The following MCF2L2 variants were observed in gnomAD, a reference collection of about 807,000 sequenced individuals.
The protein encoded by MCF2L2 is MCF.2 cell line derived transforming sequence-like 2, also known as probable guanine nucleotide exchange factor MCF2L2.
In MCF2L2, 102 loss-of-function variants were observed where a neutral mutation model predicts 150.2. The ratio of observed to expected loss-of-function variants is 0.68; its 90% CI spans 0.58 to 0.80. The LOEUF (loss-of-function observed/expected upper bound fraction) is 0.80, where lower values mean the gene tolerates loss of function less well. Ranked by LOEUF, MCF2L2 falls within the 30% of genes least tolerant of loss-of-function variation. The probability of loss-of-function intolerance (pLI) is 0.00; values close to 1 mark genes in which losing one functional copy is unlikely to be tolerated. For missense variants in MCF2L2, 1,256 were observed against 1,372.8 expected, an observed-to-expected ratio of 0.91 and a Z score of 1.34; for synonymous variants, 465 against 491.3, an observed-to-expected ratio of 0.95 and a Z score of 0.71.
chr3:183,416,739 TA>T (rs1228242012), intron 1 of MCF2L2, among the ~76,000 whole-genome samples: 4 of 151,852 alleles, frequency 2.6e-5, no homozygotes, highest in African/African-American at 9.7e-5. Flanking sequence ...AATACAACAA[TA>T]AAAAAATACA....
intron 15 of MCF2L2, among the ~76,000 whole-genome samples, chr3:183,274,244 A>C (rs1460652177): frequency 2.0e-5 from 3 of 151,968 alleles, no homozygotes; most frequent in Non-Finnish European, 2.9e-5. Flanking sequence ...CTCAGAACTT[A>C]TCCTCATTGT....
intron 1 of MCF2L2, among the ~76,000 whole-genome samples, chr3:183,391,264 TTTTTG>T (rs1391295410): frequency 6.6e-6 from 1 of 151,766 alleles, no homozygotes; most frequent in African/African-American, 2.4e-5. Flanking sequence ...TAAAAGCCTT[TTTTTG>T]TTTTTTTCTG....
intron 17 of MCF2L2, among the ~76,000 whole-genome samples, chr3:183,228,941 C>T (rs547933041): frequency 7.2e-5 from 11 of 152,226 alleles, no homozygotes; most frequent in Admixed American, 2.0e-4. Context: ...ACCTGGGGCT[C>T]AAAGAGGCTA....
intron 1 of MCF2L2, among the ~76,000 whole-genome samples, chr3:183,412,487 C>T (rs1027316393): frequency 1.2e-4 from 19 of 152,004 alleles, no homozygotes; most frequent in Middle Eastern, 3.4e-3. Context: ...TTAGTAGAGG[C>T]GGGGTTTCAC....
Position 183,323,302 on chromosome 3 carries a change from CT to C in MCF2L2, c.535del (p.Ser179AlafsTer3). Reference protein sequence around the residue: ...VSDLHGYIDKSQLTRELGGTL... With the variant: ...VSDLHGYIDKXQLTRELGGTL... ...CCCCCCTAATTCCCGGGTCAGTTGG[CT>C]TTTGTCGATGTAGCCGTGAAGGTCA... is the stretch of plus-strand genomic sequence containing the variant. On this transcript the variant is annotated frameshift_variant, in exon 6 of 30. Coordinates refer to ENST00000328913, the MANE Select transcript of MCF2L2 (RefSeq NM_015078.4). LOFTEE classifies it high-confidence loss of function. The C allele has an allele frequency of 1.9e-6, 3 of 1,613,878 alleles. No individual in the cohort carries two copies. The highest frequency in any genetic ancestry group is 2.5e-6 in the Non-Finnish European group (3 of 1,179,848).
At chr3:183,378,125 C>A (rs1011220989) in intron 3 of MCF2L2, 1 of 152,174 alleles carries the variant, frequency 6.6e-6, no homozygotes, top group Admixed American at 6.5e-5. Flanking sequence ...AGACGCCAGG[C>A]AGCCTCTCAG....
chr3:183,247,941 A>C (rs1206675517), intron 15 of MCF2L2, among the ~76,000 whole-genome samples: 1 of 152,208 alleles, frequency 6.6e-6, no homozygotes, highest in Non-Finnish European at 1.5e-5. Flanking sequence ...AAACAAAAGG[A>C]AATCTATTGC....
intron 3 of MCF2L2, among the ~76,000 whole-genome samples, chr3:183,344,136 A>AC (rs1362895406): frequency 6.2e-4 from 92 of 149,358 alleles, no homozygotes; most frequent in Admixed American, 3.1e-3. Context: ...AAACAAAACC[A>AC]CCACCCCCCC....
At chr3:183,211,369 C>T (rs953938257) in intron 22 of MCF2L2, among the ~76,000 whole-genome samples, 22 of 152,256 alleles carry the variant, frequency 1.4e-4, no homozygotes, top group East Asian at 3.9e-4. Context: ...CGGGGGGAGT[C>T]GCTGGGTCTT....
chr3:183,408,942 C>T (rs975239188), intron 1 of MCF2L2, among the ~76,000 whole-genome samples: 3 of 152,192 alleles, frequency 2.0e-5, no homozygotes, highest in African/African-American at 7.2e-5. Context: ...GTGCTGCCAC[C>T]TTGCCATGAT....
At chr3:183,246,951 A>G (rs1724286891) in intron 15 of MCF2L2, among the ~76,000 whole-genome samples, 4 of 152,218 alleles carry the variant, frequency 2.6e-5, no homozygotes, top group Admixed American at 2.6e-4. Context: ...TACTTGATCC[A>G]TTAAATCCCT....
intron 1 of MCF2L2, among the ~76,000 whole-genome samples, chr3:183,417,149 T>C (rs1360184044): frequency 7.9e-6 from 1 of 126,410 alleles, no homozygotes; most frequent in Admixed American, 8.3e-5. Context: ...AAAAAAATGG[T>C]AATTTAGAGA....
At chr3:183,224,430 G>A in intron 18 of MCF2L2, 2 of 419,812 alleles carry the variant, frequency 4.8e-6, no homozygotes, top group Non-Finnish European at 8.6e-6. Context: ...GCATCTACAA[G>A]GGCTATTGGT....
intron 1 of MCF2L2, among the ~76,000 whole-genome samples, chr3:183,391,734 G>A (rs1395763545): frequency 2.0e-5 from 3 of 152,124 alleles, no homozygotes; most frequent in Non-Finnish European, 2.9e-5. Flanking sequence ...GTAATAAAAT[G>A]TAAAACACAA....
chr3:183,365,001 T>G (rs1712442552), intron 3 of MCF2L2, among the ~76,000 whole-genome samples: 1 of 152,174 alleles, frequency 6.6e-6, no homozygotes, highest in Admixed American at 6.5e-5. Context: ...TTTAAAATAC[T>G]ACTTATAAAG....
chr3:183,191,018 T>A lies in MCF2L2; in HGVS notation c.3016+1981A>T, dbSNP rs149584758. 5.1e-3 allele frequency among the ~76,000 whole-genome samples: 772 copies of A among 152,260 alleles called. 9 individuals are homozygous for A. The highest frequency in any genetic ancestry group is 0.017 in the African/African-American group (715 of 41,560). ...CTCCTGCCTCAGCCTCCCGAGTAGC[T>A]GGGATTACAGGCGTGTACCACCATG... On this transcript the variant is annotated intron_variant, in intron 27 of 29. Coordinates refer to ENST00000328913, the MANE Select transcript of MCF2L2 (RefSeq NM_015078.4).
At chr3:183,384,149 G>A (rs1447720001) in intron 2 of MCF2L2, among the ~76,000 whole-genome samples, 3 of 152,182 alleles carry the variant, frequency 2.0e-5, no homozygotes, top group South Asian at 2.1e-4. Flanking sequence ...TTTTGAAACC[G>A]CCTTTTCAAA....
At chr3:183,339,425 A>T (rs1414250178) in intron 4 of MCF2L2, among the ~76,000 whole-genome samples, 1 of 152,140 alleles carries the variant, frequency 6.6e-6, no homozygotes, top group Non-Finnish European at 1.5e-5. Flanking sequence ...ACGGGTGTAC[A>T]ATTTATTTAA....
At position 183,230,929 on chromosome 3, in the gene MCF2L2, C is replaced by G. The variant is rs199876251; in HGVS notation, c.1929+22G>C. 4 of 1,579,042 alleles carry G rather than the reference C, an allele frequency of 2.5e-6. No individual in the cohort carries two copies. The East Asian group carries it at 9.0e-5, about 35-fold the overall frequency. On this transcript the variant is annotated intron_variant, in intron 16 of 29. Coordinates refer to ENST00000328913, the MANE Select transcript of MCF2L2 (RefSeq NM_015078.4). ...TGCAGTTTGAATATATGCTTGATACCCCACTCCCCAAATCTACTTACATCA... is the reference window on the plus strand; with the variant it reads ...TGCAGTTTGAATATATGCTTGATACGCCACTCCCCAAATCTACTTACATCA...
Sources: gnomAD v4.1 joint callset for allele counts (sites outside exome capture counted in the v4.1 genomes callset) on GRCh38, gnomAD v4.1.1 for gene constraint, MANE v1.5 for transcripts, NCBI Gene and HGNC (gene_info 2026-07-23, HGNC 2026-07-21) for gene names.